GPC5: variants seen among roughly 807,000 people sequenced by gnomAD.
GPC5 encodes glypican 5, also known as glypican-5.
A neutral mutation model predicts 53.9 loss-of-function variants in GPC5; 47 were observed. The observed-to-expected ratio is 0.87, with a 90% CI of 0.69 to 1.11. The LOEUF (loss-of-function observed/expected upper bound fraction) is 1.11. Among genes scored for constraint, GPC5 ranks in the 50% most tolerant of loss-of-function variants. The probability of loss-of-function intolerance (pLI) is 0.00; values close to 1 mark genes in which losing one functional copy is unlikely to be tolerated. For synonymous variants in GPC5, 286 were observed against 263.3 expected, an observed-to-expected ratio of 1.09 and a Z score of -0.84; for missense variants, 748 against 713.1, an observed-to-expected ratio of 1.05 and a Z score of -0.56.
chr13:92,550,946 C>A (rs1243665411), intron 7 of GPC5, among the ~76,000 whole-genome samples: 2 of 151,634 alleles, frequency 1.3e-5, no homozygotes, highest in African/African-American at 4.8e-5. Context: ...GATTAATATC[C>A]CTACCGATGT....
At chr13:92,507,250 A>T (rs1049557242) in intron 7 of GPC5, among the ~76,000 whole-genome samples, 2 of 152,230 alleles carry the variant, frequency 1.3e-5, no homozygotes, top group Admixed American at 1.3e-4. Context: ...GTTTGCCTCT[A>T]ATCTTACCCA....
At chr13:92,159,457 C>T (rs1214076065) in intron 7 of GPC5, among the ~76,000 whole-genome samples, 1 of 152,146 alleles carries the variant, frequency 6.6e-6, no homozygotes, top group African/African-American at 2.4e-5. Flanking sequence ...ATGAGCATCA[C>T]CTTGGAAGGG....
At chr13:92,242,428 G>C (rs1485225639) in intron 7 of GPC5, among the ~76,000 whole-genome samples, 1 of 151,800 alleles carries the variant, frequency 6.6e-6, no homozygotes, top group Non-Finnish European at 1.5e-5. Context: ...TTTAGAATTT[G>C]TTTTCGTGTT....
intron 6 of GPC5, among the ~76,000 whole-genome samples, chr13:92,090,935 A>C (rs1251850110): frequency 1.3e-5 from 2 of 152,202 alleles, no homozygotes; most frequent in East Asian, 1.9e-4. Flanking sequence ...AGAAAGTGAG[A>C]CCATAGCTCT....
Position 91,658,607 on chromosome 13 carries a change from A to G in GPC5, c.326-34580A>G, listed in dbSNP as rs184824570. 1.1e-4 allele frequency among the ~76,000 whole-genome samples: 16 copies of G among 152,312 alleles called. No homozygotes were observed. In the East Asian group the frequency reaches 2.9e-3, roughly 28 times the overall value. ...ATCTATGTTTAATTATTGCATCTGAATCATGTTTAATGAGCTCCCTGTTTA... is the reference window on the plus strand; with the variant it reads ...ATCTATGTTTAATTATTGCATCTGAGTCATGTTTAATGAGCTCCCTGTTTA... On this transcript the variant is annotated intron_variant, in intron 2 of 7. Transcript: ENST00000377067.
chr13:91,409,349 A>G (rs1877558499), intron 1 of GPC5, among the ~76,000 whole-genome samples: 1 of 152,240 alleles, frequency 6.6e-6, no homozygotes, highest in African/African-American at 2.4e-5. Context: ...AAAAAAGCTG[A>G]GAAATCAATG....
At chr13:91,723,364 A>C (rs2036513642) in intron 3 of GPC5, among the ~76,000 whole-genome samples, 1 of 151,844 alleles carries the variant, frequency 6.6e-6, no homozygotes, top group South Asian at 2.1e-4. Flanking sequence ...TATTGGCTCT[A>C]TGCATGCAAT....
chr13:92,662,381 A>G (rs1387917176), intron 7 of GPC5, among the ~76,000 whole-genome samples: 1 of 152,148 alleles, frequency 6.6e-6, no homozygotes, highest in Admixed American at 6.6e-5. Flanking sequence ...TTTTCTTTTA[A>G]ATACTGTTCC....
At chr13:92,731,514 C>T (rs1262812225) in intron 7 of GPC5, among the ~76,000 whole-genome samples, 3 of 151,240 alleles carry the variant, frequency 2.0e-5, no homozygotes, top group Admixed American at 6.6e-5. Flanking sequence ...AATTAAGAAT[C>T]GGTGAAGTAA....
At chr13:91,974,236 C>G (rs1174364689) in intron 6 of GPC5, among the ~76,000 whole-genome samples, 1 of 152,140 alleles carries the variant, frequency 6.6e-6, no homozygotes, top group Non-Finnish European at 1.5e-5. Context: ...TCTCACCGCT[C>G]CTATTCAACA....
intron 5 of GPC5, among the ~76,000 whole-genome samples, chr13:91,757,405 A>G (rs2037318599): frequency 1.3e-5 from 2 of 152,090 alleles, no homozygotes; most frequent in South Asian, 4.1e-4. Flanking sequence ...TCTGACAGAT[A>G]TGGTTTGGCT....
chr13:92,537,723 C>A (rs1431923162), intron 7 of GPC5, among the ~76,000 whole-genome samples: 1 of 152,110 alleles, frequency 6.6e-6, no homozygotes, highest in African/African-American at 2.4e-5. Context: ...ATCTCCCTGT[C>A]TCATTGCTGA....
At chr13:92,269,155 A>T (rs2042822989) in intron 7 of GPC5, among the ~76,000 whole-genome samples, 1 of 152,084 alleles carries the variant, frequency 6.6e-6, no homozygotes, top group East Asian at 1.9e-4. Flanking sequence ...TTACTCAAAG[A>T]ATATAAACCT....
At chr13:91,459,983 G>T (rs1239677034) in intron 2 of GPC5, among the ~76,000 whole-genome samples, 1 of 152,014 alleles carries the variant, frequency 6.6e-6, no homozygotes, top group African/African-American at 2.4e-5. Flanking sequence ...CTTTGAAGGG[G>T]GAATATGTAT....
intron 7 of GPC5, among the ~76,000 whole-genome samples, chr13:92,281,307 C>G (rs1181691635): frequency 2.6e-5 from 4 of 152,208 alleles, no homozygotes; most frequent in Non-Finnish European, 4.4e-5. Flanking sequence ...CCTCTGTAGA[C>G]TCCACCTCTG....
intron 5 of GPC5, among the ~76,000 whole-genome samples, chr13:91,839,783 G>A (rs2038763445): frequency 6.6e-6 from 1 of 152,120 alleles, no homozygotes; most frequent in African/African-American, 2.4e-5. Flanking sequence ...TATAAGTCAT[G>A]AAAAGAAGGA....
rs998411546 is a variant in GPC5 at position 92,350,623 on chromosome 13, G to C, written c.1561+205634G>C. Among the ~76,000 whole-genome samples, 5 of 152,062 alleles carry C rather than the reference G, an allele frequency of 3.3e-5. No individual in the cohort carries two copies. The East Asian group carries it at 9.6e-4, about 29-fold the overall frequency. On this transcript the variant is annotated intron_variant, in intron 7 of 7. Coordinates refer to ENST00000377067, the MANE Select transcript of GPC5 (RefSeq NM_004466.6). ...TTGCTCAGATCTATTGCACAGCATG[G>C]TGAATATAGTTGAAAATAATGTACT...
chr13:91,882,562 G>A (rs966028137), intron 5 of GPC5, among the ~76,000 whole-genome samples: 1 of 148,442 alleles, frequency 6.7e-6, no homozygotes, highest in African/African-American at 2.5e-5. Context: ...TTTTAATATT[G>A]TTAAACTTAT....
At chr13:92,759,841 A>G (rs1435077468) in intron 7 of GPC5, among the ~76,000 whole-genome samples, 1 of 152,054 alleles carries the variant, frequency 6.6e-6, no homozygotes, top group Non-Finnish European at 1.5e-5. Flanking sequence ...TTATGATGTC[A>G]TCTGTGGGTT....
Sources: allele counts gnomAD v4.1 joint callset (sites outside exome capture counted in the v4.1 genomes callset), GRCh38; gene constraint gnomAD v4.1.1; transcripts MANE v1.5; gene names NCBI Gene and HGNC (gene_info 2026-07-23, HGNC 2026-07-21).